The following MLPH variants were observed in gnomAD, a reference collection of about 807,000 sequenced individuals.
MLPH encodes melanophilin.
MLPH carries 51 observed loss-of-function variants against 72.1 expected under a neutral mutation model. The observed-to-expected ratio is 0.71, with a 90% CI of 0.56 to 0.89. The LOEUF (loss-of-function observed/expected upper bound fraction) is 0.89. MLPH is among the 40% of genes least tolerant of loss of function. MLPH has a pLI of 0.00. For synonymous variants in MLPH, 301 were observed against 310.1 expected, an observed-to-expected ratio of 0.97 and a Z score of 0.31; for missense variants, 743 against 759.9, an observed-to-expected ratio of 0.98 and a Z score of 0.26.
At chr2:237,516,790 TGG>T (rs2080029386) in intron 4 of MLPH, among the ~76,000 whole-genome samples, 1 of 141,174 alleles carries the variant, frequency 7.1e-6, no homozygotes, top group African/African-American at 2.6e-5. Flanking sequence ...AATGGATGGA[TGG>T]ATGGATGGAT....
chr2:237,530,468 C>G (rs2080397677), intron 8 of MLPH, among the ~76,000 whole-genome samples: 1 of 152,230 alleles, frequency 6.6e-6, no homozygotes, highest in South Asian at 2.1e-4. Flanking sequence ...GGGCTAGTGT[C>G]CACGGGGCAG....
intron 9 of MLPH, among the ~76,000 whole-genome samples, chr2:237,537,210 A>C (rs1164302471): frequency 6.6e-6 from 1 of 150,838 alleles, no homozygotes; most frequent in Non-Finnish European, 1.5e-5. Context: ...GGTCCCTGTC[A>C]CACACGTATG....
At chr2:237,502,650 C>G (rs74001374) in intron 2 of MLPH, among the ~76,000 whole-genome samples, 1 of 152,028 alleles carries the variant, frequency 6.6e-6, no homozygotes, top group East Asian at 1.9e-4. Flanking sequence ...AAACGGAACA[C>G]CCTGTTTTAA....
chr2:237,516,572 C>T (rs72988140), intron 4 of MLPH, among the ~76,000 whole-genome samples: 2,819 of 152,354 alleles, frequency 0.019, 38 homozygotes, highest in Non-Finnish European at 0.03. Context: ...GCCCAATAAG[C>T]ACAATCCTGC....
intron 8 of MLPH, 87 bp downstream of exon 8, chr2:237,527,603 C>T (rs1316117757): frequency 1.9e-6 from 3 of 1,539,112 alleles, no homozygotes; most frequent in African/African-American, 2.7e-5. Flanking sequence ...AGAGAAATTA[C>T]AGCTTTTAAT....
intron 8 of MLPH, among the ~76,000 whole-genome samples, chr2:237,530,478 G>A (rs1026302667): frequency 2.0e-5 from 3 of 152,260 alleles, no homozygotes; most frequent in Admixed American, 1.3e-4. Context: ...CCACGGGGCA[G>A]AAGCATGCAG....
rs920793778 is a variant in MLPH, at chr2:237,518,660, C to T, written c.555+12C>T. The T allele has an allele frequency of 1.3e-6, 2 of 1,596,626 alleles. No homozygotes were observed. Among genetic ancestry groups the T allele is most frequent in the Admixed American group, 1.7e-5 (1 of 59,398 alleles). ...CCTTTGGCAGCAAAGTAAGTCATCT[C>T]CAGCCACCCCCTCCTCAGCCACCTC... On this transcript the variant is annotated intron_variant, in intron 5 of 15. Transcript: ENST00000264605.
chr2:237,492,795 A>G (rs2079453114), intron 1 of MLPH, among the ~76,000 whole-genome samples: 1 of 152,142 alleles, frequency 6.6e-6, no homozygotes, highest in Non-Finnish European at 1.5e-5. Flanking sequence ...GCAAACCTAA[A>G]CAGCCCCCCA....
chr2:237,518,963 G>A (rs952296389), intron 5 of MLPH, among the ~76,000 whole-genome samples: 1 of 152,218 alleles, frequency 6.6e-6, no homozygotes, highest in African/African-American at 2.4e-5. Flanking sequence ...TGTAGGACAG[G>A]CAGGGGTCCT....
rs1428043022 is a variant in MLPH, at chr2:237,540,838, A to G, written c.1327A>G (p.Lys443Glu). ...TAAHQTNRQE[K>E]SPQDPGDPVQ... ...TGCCCATCAAACCAACAGACAGGAA[A>G]AAAGCCCCCAGGACCCTGGGGACCC... Residue 443 changes from lysine to glutamate, a missense_variant, in exon 11 of 16, where the codon AAA (lysine) becomes GAA (glutamate). Physicochemically the swap from Lys to Glu is moderately conservative, Grantham distance 56. Coordinates refer to ENST00000264605, the MANE Select transcript of MLPH (RefSeq NM_024101.7). 1 of 1,613,412 alleles carries G rather than the reference A, an allele frequency of 6.2e-7. No individual in the cohort carries two copies. The highest frequency in any genetic ancestry group is 2.2e-5 in the East Asian group (1 of 44,866).
rs562772708 is a variant in MLPH at position 237,541,046 on chromosome 2, C to A, written c.1446+89C>A. On this transcript the variant is annotated intron_variant, in intron 11 of 15. Coordinates refer to ENST00000264605, the MANE Select transcript of MLPH (RefSeq NM_024101.7). This position sits in a 1 kb window ranked among gnomAD's most constrained non-coding sequence, Gnocchi z 5.1. ...CTTGAACATCTGCCAGCTCTAACAT[C>A]CGCCAGCTCACACTGAGCCCTCCCC... The A allele has an allele frequency of 1.3e-6, 2 of 1,492,160 alleles. No homozygotes were observed. Among genetic ancestry groups the A allele is most frequent in the South Asian group, 2.4e-5 (2 of 82,332 alleles). The allele number at this position is 1,492,160 out of a possible 1,614,324, so 92.4% of individuals were successfully genotyped here. A position where few individuals can be genotyped will look rare whatever the true frequency, so the allele number is the denominator to read the frequency against.
At chr2:237,534,326 T>G (rs2080486835) in intron 8 of MLPH, among the ~76,000 whole-genome samples, 1 of 152,180 alleles carries the variant, frequency 6.6e-6, no homozygotes, top group Non-Finnish European at 1.5e-5. Flanking sequence ...TCCTCCACTT[T>G]CACCCTCCCC....
At chr2:237,499,195 A>C (rs1050987052) in intron 2 of MLPH, among the ~76,000 whole-genome samples, 3 of 152,128 alleles carry the variant, frequency 2.0e-5, no homozygotes, top group African/African-American at 7.2e-5. Flanking sequence ...TCGCCCTGAC[A>C]CCTCATATTG....
intron 4 of MLPH, among the ~76,000 whole-genome samples, chr2:237,516,579 C>T (rs972423469): frequency 1.3e-5 from 2 of 152,250 alleles, no homozygotes; most frequent in Non-Finnish European, 2.9e-5. Flanking sequence ...AAGCACAATC[C>T]TGCAGACATG....
At chr2:237,540,686 T>C in intron 10 of MLPH, 116 bp from the exon 11 acceptor site, 1 of 1,525,988 alleles carries the variant, frequency 6.6e-7, no homozygotes, top group Non-Finnish European at 8.9e-7. Flanking sequence ...GGCCGGCTCC[T>C]GACCAACCAG....
chr2:237,535,753 A>G (rs558649787), intron 9 of MLPH, among the ~76,000 whole-genome samples: 1 of 152,236 alleles, frequency 6.6e-6, no homozygotes, highest in Non-Finnish European at 1.5e-5. Context: ...TTTCACTTAT[A>G]TAGGCAGAAA....
intron 8 of MLPH, among the ~76,000 whole-genome samples, chr2:237,531,760 G>A (rs2080424598): frequency 6.6e-6 from 1 of 152,114 alleles, no homozygotes. Flanking sequence ...TGGCCACCCA[G>A]AAACACAGAC....
chr2:237,520,146 C>T, intron 6 of MLPH, 117 bp downstream of exon 6: 8 of 1,397,362 alleles, frequency 5.7e-6, no homozygotes, highest in Admixed American at 1.8e-5. Flanking sequence ...CACAGTCCCA[C>T]CTGGCTCCCA....
At chr2:237,548,740 G>T (rs371949950) in intron 13 of MLPH, among the ~76,000 whole-genome samples, 1 of 152,234 alleles carries the variant, frequency 6.6e-6, no homozygotes, top group South Asian at 2.1e-4. Context: ...TTAGCCGGGC[G>T]TGGTGGCGGG....
Sources: allele counts gnomAD v4.1 joint callset (sites outside exome capture counted in the v4.1 genomes callset), GRCh38; gene constraint gnomAD v4.1.1; non-coding constraint Gnocchi (gnomAD v3.1); transcripts MANE v1.5; gene names NCBI Gene and HGNC (gene_info 2026-07-23, HGNC 2026-07-21).